PDZRN4: variants seen among roughly 807,000 people sequenced by gnomAD.
The protein encoded by PDZRN4 is PDZ domain-containing RING finger protein 4.
In PDZRN4, 70 loss-of-function variants were observed where a neutral mutation model predicts 99.0. The ratio of observed to expected loss-of-function variants is 0.71; its 90% CI spans 0.58 to 0.86. The LOEUF (loss-of-function observed/expected upper bound fraction) is 0.86, where lower values mean the gene tolerates loss of function less well. Among genes scored for constraint, PDZRN4 ranks in the 40% least tolerant of loss-of-function variants. The pLI, the probability that PDZRN4 is intolerant of heterozygous loss-of-function variation, is 0.00. For missense variants in PDZRN4, 1,474 were observed against 1,331.2 expected, an observed-to-expected ratio of 1.11 and a Z score of -1.67; for synonymous variants, 551 against 501.6, an observed-to-expected ratio of 1.10 and a Z score of -1.32.
At chr12:41,429,370 G>A (rs913536182) in intron 3 of PDZRN4, among the ~76,000 whole-genome samples, 1 of 152,186 alleles carries the variant, frequency 6.6e-6, no homozygotes, top group Non-Finnish European at 1.5e-5. Context: ...CCAGTGGAGT[G>A]GAGTAAGGTT....
chr12:41,236,528 A>G (rs1376452083), intron 3 of PDZRN4, among the ~76,000 whole-genome samples: 2 of 152,086 alleles, frequency 1.3e-5, no homozygotes, highest in African/African-American at 4.8e-5. Context: ...GCATTGCAAA[A>G]CAAATTAGAG....
chr12:41,200,908 T>TA (rs1306362900), intron 3 of PDZRN4, among the ~76,000 whole-genome samples: 1 of 152,052 alleles, frequency 6.6e-6, no homozygotes, highest in African/African-American at 2.4e-5. Flanking sequence ...GAACTTTAAC[T>TA]AGAGATGATG....
intron 3 of PDZRN4, among the ~76,000 whole-genome samples, chr12:41,447,466 TTCTC>T (rs1474460981): frequency 2.0e-5 from 3 of 152,276 alleles, no homozygotes; most frequent in African/African-American, 7.2e-5. Flanking sequence ...TCAAGCAGTC[TTCTC>T]TCTGACTGTG....
At chr12:41,290,224 G>T (rs7298753) in intron 3 of PDZRN4, among the ~76,000 whole-genome samples, 20,093 of 152,064 alleles carry the variant, frequency 0.13, 1,740 homozygotes, top group African/African-American at 0.25. Flanking sequence ...TTCTACTTAG[G>T]GAAGACAGAT....
intron 3 of PDZRN4, among the ~76,000 whole-genome samples, chr12:41,444,310 A>C (rs1285267276): frequency 6.6e-6 from 1 of 151,980 alleles, no homozygotes; most frequent in African/African-American, 2.4e-5. Context: ...TAAATATCCA[A>C]GTATATACAG....
chr12:41,450,553 T>C (rs900223256), intron 3 of PDZRN4, among the ~76,000 whole-genome samples: 4 of 152,184 alleles, frequency 2.6e-5, no homozygotes, highest in Non-Finnish European at 5.9e-5. Flanking sequence ...TTTACTGTCT[T>C]GCTTATGTTG....
chr12:41,203,488 T>C (rs1950830062), intron 3 of PDZRN4, among the ~76,000 whole-genome samples: 1 of 152,056 alleles, frequency 6.6e-6, no homozygotes, highest in African/African-American at 2.4e-5. Flanking sequence ...GGCAGCCATT[T>C]GGTCGATTAA....
chr12:41,471,706 T>C (rs909404479), intron 3 of PDZRN4, among the ~76,000 whole-genome samples: 6 of 149,042 alleles, frequency 4.0e-5, no homozygotes, highest in South Asian at 2.2e-4. Flanking sequence ...TGATGAACTA[T>C]GTAATAATAA....
intron 3 of PDZRN4, among the ~76,000 whole-genome samples, chr12:41,349,624 A>G (rs1951877219): frequency 6.6e-6 from 1 of 152,048 alleles, no homozygotes; most frequent in African/African-American, 2.4e-5. Flanking sequence ...CCTTAAAAAC[A>G]TTAATTAACT....
intron 3 of PDZRN4, among the ~76,000 whole-genome samples, chr12:41,429,025 GA>G (rs1952563557): frequency 1.3e-5 from 2 of 152,128 alleles, no homozygotes; most frequent in South Asian, 2.1e-4. Flanking sequence ...AGTTATGGGG[GA>G]AAAGAACCAT....
intron 3 of PDZRN4, among the ~76,000 whole-genome samples, chr12:41,494,081 C>G (rs982914604): frequency 4.0e-5 from 6 of 150,934 alleles, no homozygotes; most frequent in Admixed American, 6.6e-5. Flanking sequence ...GTTTCCTTGT[C>G]CTGGGAACAT....
At chr12:41,260,302 C>A (rs956305078) in intron 3 of PDZRN4, among the ~76,000 whole-genome samples, 1 of 152,076 alleles carries the variant, frequency 6.6e-6, no homozygotes, top group African/African-American at 2.4e-5. Context: ...GTTTCCCTAA[C>A]ATAACAGCAG....
chr12:41,360,339 A>G (rs1382440148), intron 3 of PDZRN4, among the ~76,000 whole-genome samples: 1 of 152,020 alleles, frequency 6.6e-6, no homozygotes, highest in African/African-American at 2.4e-5. Flanking sequence ...AATTATTATA[A>G]TGGTGCTGGA....
At position 41,567,725 on chromosome 12, in the gene PDZRN4, C is replaced by T. The variant is rs554121743; in HGVS notation, c.1468-58C>T. The T allele has an allele frequency of 1.5e-5, 16 of 1,071,242 alleles. No individual in the cohort carries two copies. The South Asian group carries it at 2.8e-4, about 19-fold the overall frequency. The allele number at this position is 1,071,242 out of a possible 1,614,324, so 66.4% of individuals were successfully genotyped here. ...CGGGCACCGGCCATTTAAGTTTACTCTATTTTAACATGAGTTCTCACTAAC... is the reference window on the plus strand; with the variant it reads ...CGGGCACCGGCCATTTAAGTTTACTTTATTTTAACATGAGTTCTCACTAAC... On this transcript the variant is annotated intron_variant, in intron 8 of 9. Transcript: ENST00000402685.
At chr12:41,336,103 G>A (rs1000685871) in intron 3 of PDZRN4, among the ~76,000 whole-genome samples, 77 of 152,066 alleles carry the variant, frequency 5.1e-4, no homozygotes, top group Non-Finnish European at 1.9e-4. Flanking sequence ...AGTTTTTATT[G>A]CATGCGGACG....
chr12:41,210,269 T>C (rs1591969165), intron 3 of PDZRN4, among the ~76,000 whole-genome samples: 1 of 152,100 alleles, frequency 6.6e-6, no homozygotes, highest in South Asian at 2.1e-4. Flanking sequence ...ATGAGTAGGT[T>C]GCAAAAATTT....
chr12:41,470,350 T>C (rs761003591), intron 3 of PDZRN4, among the ~76,000 whole-genome samples: 1 of 152,202 alleles, frequency 6.6e-6, no homozygotes, highest in Non-Finnish European at 1.5e-5. Flanking sequence ...GATACTCTTT[T>C]GTTTTGTTTT....
At chr12:41,247,032 A>G (rs1322401295) in intron 3 of PDZRN4, among the ~76,000 whole-genome samples, 1 of 152,144 alleles carries the variant, frequency 6.6e-6, no homozygotes, top group East Asian at 1.9e-4. Flanking sequence ...TTCAAATTCA[A>G]CAAATATATT....
intron 7 of PDZRN4, among the ~76,000 whole-genome samples, chr12:41,556,825 C>G (rs924951385): frequency 2.6e-5 from 4 of 152,136 alleles, no homozygotes; most frequent in Non-Finnish European, 5.9e-5. Flanking sequence ...CACCTGCTTG[C>G]TCTCTCCTTT....
Sources: gnomAD v4.1 joint callset for allele counts (sites outside exome capture counted in the v4.1 genomes callset) on GRCh38, gnomAD v4.1.1 for gene constraint, MANE v1.5 for transcripts, NCBI Gene and HGNC (gene_info 2026-07-23, HGNC 2026-07-21) for gene names.